The following PHF8 variants were observed in gnomAD, a reference collection of about 807,000 sequenced individuals.
PHF8 encodes PHD finger protein 8.
Under a neutral mutation model 74.4 loss-of-function variants are expected in PHF8, and 9 were observed. The ratio of observed to expected loss-of-function variants is 0.12; its 90% CI spans 0.07 to 0.21. The LOEUF (loss-of-function observed/expected upper bound fraction) is 0.21. Ranked by LOEUF, PHF8 falls within the 10% of genes least tolerant of loss-of-function variation. The pLI, the probability that PHF8 is intolerant of heterozygous loss-of-function variation, is 1.00. For synonymous variants in PHF8, 311 were observed against 316.6 expected, an observed-to-expected ratio of 0.98 and a Z score of 0.19; for missense variants, 478 against 816.6, an observed-to-expected ratio of 0.59 and a Z score of 5.05.
chrX:54,004,148 T>A (rs922502209), intron 8 of PHF8, among the ~76,000 whole-genome samples: 5 of 112,071 alleles, frequency 4.5e-5, no homozygotes, highest in African/African-American at 1.6e-4. Context: ...TGGGCATTTC[T>A]ACCAAGATGT....
intron 21 of PHF8, 82 bp from the exon 22 acceptor site, chrX:53,939,328 TCC>T: frequency 1.3e-6 from 1 of 768,682 alleles, no homozygotes; most frequent in Non-Finnish European, 1.9e-6. Flanking sequence ...TCAGGCCACC[TCC>T]CCTTCCTGTT....
At chrX:53,997,628 C>T (rs1485789786) in intron 11 of PHF8, among the ~76,000 whole-genome samples, 3 of 111,725 alleles carry the variant, frequency 2.7e-5, no homozygotes, top group Non-Finnish European at 5.6e-5. Flanking sequence ...CTTCTCAGAA[C>T]TGTGTTCTAC....
intron 18 of PHF8, among the ~76,000 whole-genome samples, chrX:53,977,284 G>A (rs963562773): frequency 8.9e-6 from 1 of 112,288 alleles, no homozygotes; most frequent in Non-Finnish European, 1.9e-5. Flanking sequence ...GCAGTGAGCC[G>A]AGATCGTGCC....
chrX:54,043,963 G>T lies in PHF8; in HGVS notation c.-294C>A, dbSNP rs2066607013. 1 of 754,102 alleles carries T rather than the reference G, an allele frequency of 1.3e-6. No homozygotes were observed. Among genetic ancestry groups the T allele is most frequent in the Admixed American group, 8.6e-5 (1 of 11,652 alleles). The allele number at this position is 754,102 out of a possible 1,213,427, so 62.1% of individuals were successfully genotyped here. ...AAGCGCCTCAGCGGAGGCTCGTCCG[G>T]TAGTTCCGGCCCCTACGGCGACGCG... On this transcript the variant is annotated 5_prime_UTR_variant, in exon 1 of 22. Coordinates refer to ENST00000338154, the MANE Select transcript of PHF8 (RefSeq NM_015107.3).
chrX:54,020,482 A>G (rs2066151128), intron 4 of PHF8, among the ~76,000 whole-genome samples: 1 of 112,050 alleles, frequency 8.9e-6, no homozygotes, highest in Admixed American at 9.5e-5. Flanking sequence ...TGTATGTGCT[A>G]TTATGGATTG....
chrX:53,956,582 GCAAA>G (rs1358492300), intron 19 of PHF8, among the ~76,000 whole-genome samples: 1 of 111,112 alleles, frequency 9.0e-6, no homozygotes, highest in Non-Finnish European at 1.9e-5. Context: ...CTCTGAATAT[GCAAA>G]CAAATGATCA....
intron 11 of PHF8, among the ~76,000 whole-genome samples, chrX:53,998,455 TAAATA>T (rs1270106311): frequency 1.9e-4 from 21 of 108,808 alleles, no homozygotes; most frequent in African/African-American, 7.1e-4. Context: ...TTCTGTCTCA[TAAATA>T]AATAAATAAA....
intron 19 of PHF8, among the ~76,000 whole-genome samples, chrX:53,956,735 C>T (rs1022870985): frequency 9.2e-6 from 1 of 108,618 alleles, no homozygotes; most frequent in African/African-American, 3.4e-5. Flanking sequence ...TATTCCCTTA[C>T]TATATAAAAT....
chrX:53,964,899 A>T (rs2065158959), intron 18 of PHF8, among the ~76,000 whole-genome samples: 2 of 108,708 alleles, frequency 1.8e-5, no homozygotes, highest in Non-Finnish European at 1.9e-5. Flanking sequence ...GAAAAGAAAG[A>T]AAGTAGAAGG....
chrX:53,986,000 G>A (rs889317869), intron 16 of PHF8, 51 bp from the exon 17 acceptor site: 2 of 1,146,071 alleles, frequency 1.7e-6, no homozygotes, highest in Non-Finnish European at 2.4e-6. Flanking sequence ...GGTCTGGTAA[G>A]GCCCCAGTAC....
At chrX:53,975,369 G>A (rs1168484624) in intron 18 of PHF8, among the ~76,000 whole-genome samples, 1 of 111,649 alleles carries the variant, frequency 9.0e-6, no homozygotes, top group Non-Finnish European at 1.9e-5. Context: ...TTGACTGCTG[G>A]GCATATCCAA....
intron 8 of PHF8, among the ~76,000 whole-genome samples, chrX:54,010,186 T>C (rs1364123514): frequency 9.2e-6 from 1 of 109,195 alleles, no homozygotes; most frequent in Non-Finnish European, 1.9e-5. Flanking sequence ...CCGGGCGTGG[T>C]AGTGCAAGCC....
chrX:53,957,828 A>G (rs1173215118), intron 19 of PHF8, among the ~76,000 whole-genome samples: 1 of 111,251 alleles, frequency 9.0e-6, no homozygotes, highest in Non-Finnish European at 1.9e-5. Flanking sequence ...TCCTGACTGC[A>G]GCCCAGACCC....
chrX:53,974,261 G>A (rs1036780311), intron 18 of PHF8, among the ~76,000 whole-genome samples: 11 of 108,888 alleles, frequency 1.0e-4, no homozygotes, highest in African/African-American at 3.3e-4. Flanking sequence ...GCGAGACTCC[G>A]TCTCAAAAAA....
intron 19 of PHF8, among the ~76,000 whole-genome samples, chrX:53,960,395 A>G (rs372593550): frequency 1.8e-5 from 2 of 108,828 alleles, no homozygotes; most frequent in East Asian, 6.0e-4. Context: ...ATACTTTTTG[A>G]TATGCTACAC....
Position 53,960,354 on chromosome X carries a change from C to T in PHF8, c.2539+2490G>A, listed in dbSNP as rs782368565. 3.1e-4 allele frequency among the ~76,000 whole-genome samples: 34 copies of T among 109,014 alleles called. No homozygotes were observed. The South Asian group carries it at 0.013, about 43-fold the overall frequency. The allele number at this position is 109,014 out of a possible 115,157, so 94.7% of individuals were successfully genotyped here. ...CCTCCCAAAGTGCTGGGATTACAGGCGTGAGCCACCGCACCTGGCCTAATT... is the reference window on the plus strand; with the variant it reads ...CCTCCCAAAGTGCTGGGATTACAGGTGTGAGCCACCGCACCTGGCCTAATT... On this transcript the variant is annotated intron_variant, in intron 19 of 21. Transcript: ENST00000338154.
intron 4 of PHF8, among the ~76,000 whole-genome samples, chrX:54,021,454 A>ATTTTTTTTTTTTTT (rs1156928686): frequency 2.4e-5 from 1 of 42,173 alleles, no homozygotes; most frequent in East Asian, 1.1e-3. Context: ...AGTTGCAATT[A>ATTTTTTTTTTTTTT]TTTTTTTTTT....
At chrX:53,995,879 T>C in intron 11 of PHF8, 97 bp from the exon 12 acceptor site, 1 of 489,492 alleles carries the variant, frequency 2.0e-6, no homozygotes, top group Non-Finnish European at 3.5e-6. Flanking sequence ...AAGAGTAGTC[T>C]TTTCAACAAA....
intron 19 of PHF8, among the ~76,000 whole-genome samples, chrX:53,953,335 A>G (rs1557087607): frequency 9.2e-6 from 1 of 108,532 alleles, no homozygotes; most frequent in African/African-American, 3.3e-5. Context: ...GATAAAAAAA[A>G]AAGGAATTAA....
Sources: allele counts gnomAD v4.1 joint callset (sites outside exome capture counted in the v4.1 genomes callset), GRCh38; gene constraint gnomAD v4.1.1; transcripts MANE v1.5; gene names NCBI Gene and HGNC (gene_info 2026-07-23, HGNC 2026-07-21).